Variants in BRINP3 observed in about 807,000 individuals in gnomAD.
The protein encoded by BRINP3 is BMP/retinoic acid inducible neural specific 3.
BRINP3 carries 19 observed loss-of-function variants against 71.0 expected under a neutral mutation model. The observed-to-expected ratio is 0.27, with a 90% confidence interval of 0.19 to 0.39. The LOEUF (loss-of-function observed/expected upper bound fraction) is 0.39. BRINP3 is among the 10% of genes least tolerant of loss of function. The pLI is 1.00. For synonymous variants in BRINP3, 380 were observed against 337.7 expected (o/e 1.13, Z -1.37); for missense variants, 959 against 940.8 (o/e 1.02, Z -0.25).
In BRINP3 at chr1:190,098,437, A is replaced by G. The variant is rs1651390397; in HGVS notation, c.1882T>C (p.Tyr628His). 9 of 1,614,190 alleles carry G rather than the reference A, an allele frequency of 5.6e-6. No homozygotes were observed. The highest frequency in any genetic ancestry group is 7.6e-6 in the Non-Finnish European group (9 of 1,180,032). ...WKTFFETVHIYLRSRIKSNGP... is the reference protein window; with the variant it reads ...WKTFFETVHIHLRSRIKSNGP... ...TTGGACTTGATGCGACTTCTCAGGTAGATGTGTACTGTCTCAAAAAATGTC... is the reference window on the plus strand; with the variant it reads ...TTGGACTTGATGCGACTTCTCAGGTGGATGTGTACTGTCTCAAAAAATGTC... Residue 628 changes from tyrosine to histidine, a missense_variant, in exon 8 of 8, where the codon TAC becomes CAC. Transcript: ENST00000367462.
chr1:190,419,984 G>T (rs1360563754), intron 2 of BRINP3, among the ~76,000 whole-genome samples: 2 of 151,884 alleles, frequency 1.3e-5, no homozygotes, highest in African/African-American at 2.4e-5. Flanking sequence ...TAATATGTTT[G>T]CAAGCAAGCC....
At chr1:190,203,748 AAAATATATATATATATATATAT>A (rs1655219531) in intron 6 of BRINP3, among the ~76,000 whole-genome samples, 1 of 106,482 alleles carries the variant, frequency 9.4e-6, no homozygotes, top group Admixed American at 1.1e-4. Context: ...ATCACTAAAG[AAAATATATATATATATATATAT>A]ATATATATAT....
intron 2 of BRINP3, among the ~76,000 whole-genome samples, chr1:190,439,415 G>C (rs930949104): frequency 2.0e-5 from 3 of 151,768 alleles, no homozygotes; most frequent in African/African-American, 4.8e-5. Flanking sequence ...CGTGGCATAA[G>C]ACTATTTTAT....
At chr1:190,451,196 A>AAG (rs900307824) in intron 2 of BRINP3, among the ~76,000 whole-genome samples, 5 of 151,276 alleles carry the variant, frequency 3.3e-5, no homozygotes, top group African/African-American at 4.9e-5. Flanking sequence ...AGAAAAAAAA[A>AAG]ATTTTTGTTT....
In BRINP3 at chr1:190,206,947, C is replaced by A. The variant is rs60153800; in HGVS notation, c.961+19135G>T. ...GAGAGAAAGAATAAATATTTCAGCACAAGACAATATCATGTTTGGGTTTTT... is the reference window on the plus strand; with the variant it reads ...GAGAGAAAGAATAAATATTTCAGCAAAAGACAATATCATGTTTGGGTTTTT... On this transcript the variant is annotated intron_variant, in intron 6 of 7. Coordinates refer to ENST00000367462, the MANE Select transcript of BRINP3 (RefSeq NM_199051.3). Among the ~76,000 whole-genome samples the A allele has an allele frequency of 3.4e-3, 498 of 146,738 alleles. 2 individuals are homozygous for A. The highest frequency in any genetic ancestry group is 0.012 in the African/African-American group (464 of 40,034).
intron 2 of BRINP3, among the ~76,000 whole-genome samples, chr1:190,312,983 G>C (rs1054069123): frequency 6.6e-6 from 1 of 151,600 alleles, no homozygotes; most frequent in Non-Finnish European, 1.5e-5. Context: ...CCTTATAATA[G>C]CTACCATTAA....
intron 6 of BRINP3, among the ~76,000 whole-genome samples, chr1:190,180,225 T>A (rs891565285): frequency 6.6e-6 from 1 of 152,172 alleles, no homozygotes; most frequent in Non-Finnish European, 1.5e-5. Flanking sequence ...GGTATATTAA[T>A]GAACTCTCTC....
At chr1:190,333,788 G>C (rs1196266440) in intron 2 of BRINP3, among the ~76,000 whole-genome samples, 1 of 151,856 alleles carries the variant, frequency 6.6e-6, no homozygotes, top group Admixed American at 6.6e-5. Context: ...TTGTAACAGA[G>C]CCCAATCTAT....
intron 2 of BRINP3, among the ~76,000 whole-genome samples, chr1:190,394,625 A>T (rs1464823931): frequency 6.6e-6 from 1 of 151,656 alleles, no homozygotes; most frequent in East Asian, 1.9e-4. Context: ...TTAAAATTAA[A>T]GCATAGCAAA....
rs189397025 is a variant in BRINP3 at position 190,385,720 on chromosome 1, C to T, written c.236+68935G>A. On this transcript the variant is annotated intron_variant, in intron 2 of 7. Coordinates refer to ENST00000367462, the MANE Select transcript of BRINP3 (RefSeq NM_199051.3). ...TAGAAATACCATTTGACCCAGCCAT[C>T]CCATTACTAGGTATATACCCAAAGA... Among the ~76,000 whole-genome samples the T allele has an allele frequency of 5.6e-3, 848 of 152,192 alleles. 13 individuals carry two copies. The highest frequency in any genetic ancestry group is 0.041 in the South Asian group (199 of 4,820).
chr1:190,146,546 T>G (rs1655904399), intron 7 of BRINP3, among the ~76,000 whole-genome samples: 1 of 152,120 alleles, frequency 6.6e-6, no homozygotes, highest in African/African-American at 2.4e-5. Flanking sequence ...ATAGATTGTT[T>G]GAGTTTTAAT....
chr1:190,474,548 T>C (rs1677370815), intron 1 of BRINP3: 1 of 152,590 alleles, frequency 6.6e-6, no homozygotes, highest in African/African-American at 2.4e-5. Context: ...TTTGACTAGA[T>C]AGAATATTTT....
At chr1:190,369,497 A>C (rs1669720653) in intron 2 of BRINP3, among the ~76,000 whole-genome samples, 1 of 152,144 alleles carries the variant, frequency 6.6e-6, no homozygotes, top group Non-Finnish European at 1.5e-5. Context: ...AAAATCTTTC[A>C]TAAATCAATA....
intron 2 of BRINP3, among the ~76,000 whole-genome samples, chr1:190,397,835 T>A (rs773053578): frequency 1.4e-4 from 21 of 151,940 alleles, no homozygotes; most frequent in Non-Finnish European, 2.5e-4. Context: ...AATTTTAATG[T>A]TTGAATAATA....
At chr1:190,296,173 A>T (rs1664239955) in intron 2 of BRINP3, among the ~76,000 whole-genome samples, 2 of 151,598 alleles carry the variant, frequency 1.3e-5, no homozygotes, top group South Asian at 4.2e-4. Context: ...GAAGTTTTAC[A>T]GTTTCATGTT....
At chr1:190,450,246 C>T (rs1265846577) in intron 2 of BRINP3, among the ~76,000 whole-genome samples, 3 of 152,180 alleles carry the variant, frequency 2.0e-5, no homozygotes, top group Non-Finnish European at 4.4e-5. Context: ...GGTAATGACA[C>T]AGCTCCCTTC....
At chr1:190,350,109 A>G (rs1210794324) in intron 2 of BRINP3, among the ~76,000 whole-genome samples, 1 of 152,104 alleles carries the variant, frequency 6.6e-6, no homozygotes, top group Non-Finnish European at 1.5e-5. Flanking sequence ...GTACAAACAA[A>G]ACCACGCCCT....
intron 1 of BRINP3, among the ~76,000 whole-genome samples, chr1:190,473,645 G>A (rs941588110): frequency 6.7e-6 from 1 of 150,028 alleles, no homozygotes; most frequent in African/African-American, 2.4e-5. Context: ...GCTTATTTGA[G>A]TATTCAGAAT....
chr1:190,375,205 C>T (rs983169942), intron 2 of BRINP3, among the ~76,000 whole-genome samples: 144 of 151,818 alleles, frequency 9.5e-4, no homozygotes, highest in African/African-American at 3.4e-3. Context: ...CACTAAGAAA[C>T]GCAAATGGTT....
Sources: gnomAD v4.1 joint callset for allele counts (sites outside exome capture counted in the v4.1 genomes callset) on GRCh38, gnomAD v4.1.1 for gene constraint, MANE v1.5 for transcripts, NCBI Gene and HGNC (gene_info 2026-07-23, HGNC 2026-07-21) for gene names.